Variants in MAN1A2 observed in about 807,000 individuals in gnomAD.
MAN1A2 encodes the protein mannosyl-oligosaccharide 1,2-alpha-mannosidase IB.
In MAN1A2, 26 loss-of-function variants were observed where a neutral mutation model predicts 75.7. The observed-to-expected ratio is 0.34, with a 90% CI of 0.25 to 0.48. The LOEUF (loss-of-function observed/expected upper bound fraction) is 0.48, where lower values mean the gene tolerates loss of function less well. Ranked by LOEUF, MAN1A2 falls within the 20% of genes least tolerant of loss-of-function variation. The probability of loss-of-function intolerance (pLI) is 0.99; values close to 1 mark genes in which losing one functional copy is unlikely to be tolerated. For missense variants in MAN1A2, 562 were observed against 775.5 expected (o/e 0.72, Z 3.27); for synonymous variants, 247 against 264.6 (o/e 0.93, Z 0.65).
intron 6 of MAN1A2, among the ~76,000 whole-genome samples, chr1:117,456,490 T>A (rs945464589): frequency 6.6e-6 from 1 of 152,056 alleles, no homozygotes; most frequent in Non-Finnish European, 1.5e-5. Flanking sequence ...AATTCTGCTA[T>A]AAACCTATTT....
intron 3 of MAN1A2, among the ~76,000 whole-genome samples, chr1:117,414,320 A>G (rs886201514): frequency 2.6e-5 from 4 of 151,278 alleles, no homozygotes; most frequent in Non-Finnish European, 5.9e-5. Context: ...TAGCTTTGTC[A>G]TTGTGAAGTA....
chr1:117,515,595 A>C (rs905422040), intron 12 of MAN1A2: 1 of 152,172 alleles, frequency 6.6e-6, no homozygotes, highest in Non-Finnish European at 1.5e-5. Flanking sequence ...AACACTAAAG[A>C]AACTAGACCG....
chr1:117,488,229 T>G (rs1412791142), intron 8 of MAN1A2, among the ~76,000 whole-genome samples: 3 of 151,920 alleles, frequency 2.0e-5, no homozygotes, highest in Non-Finnish European at 4.4e-5. Context: ...TTTTTTTTCT[T>G]GAGACAGAGT....
At chr1:117,429,986 AC>A (rs1210596225) in intron 5 of MAN1A2, among the ~76,000 whole-genome samples, 2 of 41,534 alleles carry the variant, frequency 4.8e-5, no homozygotes, top group Admixed American at 4.1e-4. Context: ...CGGAGGGCTG[AC>A]CCCCCCACCT....
intron 8 of MAN1A2, among the ~76,000 whole-genome samples, chr1:117,489,887 A>G (rs1650826881): frequency 6.6e-6 from 1 of 152,016 alleles, no homozygotes; most frequent in Non-Finnish European, 1.5e-5. Flanking sequence ...TCACCAATTT[A>G]AAAACCAGGG....
chr1:117,502,618 T>C (rs1570797094), intron 11 of MAN1A2, among the ~76,000 whole-genome samples: 1 of 151,822 alleles, frequency 6.6e-6, no homozygotes, highest in East Asian at 1.9e-4. Context: ...ATATAAGATG[T>C]CTTAAAAAGA....
chr1:117,489,165 G>A (rs1345368790), intron 8 of MAN1A2, among the ~76,000 whole-genome samples: 1 of 151,824 alleles, frequency 6.6e-6, no homozygotes, highest in Non-Finnish European at 1.5e-5. Context: ...AACATTTCAG[G>A]TTATCTTTAG....
At chr1:117,505,224 T>C (rs1651320871) in intron 12 of MAN1A2, among the ~76,000 whole-genome samples, 1 of 151,472 alleles carries the variant, frequency 6.6e-6, no homozygotes, top group African/African-American at 2.4e-5. Flanking sequence ...CTCTCATTTC[T>C]AATTTCAGTT....
intron 6 of MAN1A2, among the ~76,000 whole-genome samples, chr1:117,444,140 C>T (rs1388055337): frequency 2.0e-5 from 3 of 152,078 alleles, no homozygotes; most frequent in Admixed American, 6.6e-5. Flanking sequence ...CTCAATAATA[C>T]TCCATGGAAA....
chr1:117,398,671 T>G (rs1010535972), intron 1 of MAN1A2, among the ~76,000 whole-genome samples: 2 of 140,910 alleles, frequency 1.4e-5, no homozygotes, highest in African/African-American at 5.6e-5. Flanking sequence ...GAGACTCTAT[T>G]TCAAAAAAAA....
Position 117,375,314 on chromosome 1 carries a change from A to G in MAN1A2, c.302+6829A>G, listed in dbSNP as rs35992205. Among the ~76,000 whole-genome samples, 1,011 of 152,282 alleles carry G rather than the reference A, an allele frequency of 6.6e-3. 5 individuals carry two copies. The highest frequency in any genetic ancestry group is 0.011 in the Non-Finnish European group (751 of 68,036). ...AATTTTTTAACAAAACACACCTCTC[A>G]TGGGAAGGACTATAATTTCCTAACC... On this transcript the variant is annotated intron_variant, in intron 1 of 12. Transcript: ENST00000356554.
intron 5 of MAN1A2, among the ~76,000 whole-genome samples, chr1:117,422,096 T>C (rs149675020): frequency 6.6e-6 from 1 of 152,146 alleles, no homozygotes; most frequent in Non-Finnish European, 1.5e-5. Context: ...TAAAATTCAG[T>C]ATATAGTTTT....
At chr1:117,452,488 T>C (rs1649453815) in intron 6 of MAN1A2, among the ~76,000 whole-genome samples, 1 of 152,142 alleles carries the variant, frequency 6.6e-6, no homozygotes, top group African/African-American at 2.4e-5. Context: ...AACACATGAA[T>C]GATGAGAAAG....
chr1:117,482,570 G>T (rs936306727), intron 8 of MAN1A2, among the ~76,000 whole-genome samples: 7 of 151,898 alleles, frequency 4.6e-5, no homozygotes, highest in African/African-American at 1.7e-4. Flanking sequence ...CATATCCTTT[G>T]CCCACTTTTT....
rs1653197105 is a variant in MAN1A2, at chr1:117,377,654, A to G, written c.302+9169A>G. On this transcript the variant is annotated intron_variant, in intron 1 of 12. Transcript: ENST00000356554. ...ATTAGTTAAATAAATGATATATCCC[A>G]TCCCAATATATACAAAGGGTTTCTT... Among the ~76,000 whole-genome samples, 4 of 152,020 alleles carry G rather than the reference A, an allele frequency of 2.6e-5. No homozygotes were observed. In the Middle Eastern group the frequency reaches 0.01, roughly 388 times the overall value.
intron 9 of MAN1A2, chr1:117,494,252 A>T (rs987204292): frequency 2.6e-5 from 4 of 151,702 alleles, no homozygotes; most frequent in Non-Finnish European, 5.9e-5. Flanking sequence ...AACAAGATTC[A>T]TTCTAGGAAG....
intron 11 of MAN1A2, among the ~76,000 whole-genome samples, chr1:117,501,462 T>G (rs1223463820): frequency 6.6e-6 from 1 of 151,796 alleles, no homozygotes; most frequent in African/African-American, 2.4e-5. Context: ...ATAGCGTGTC[T>G]TCTGTAGCCT....
At chr1:117,388,717 A>G (rs1653621690) in intron 1 of MAN1A2, among the ~76,000 whole-genome samples, 1 of 152,132 alleles carries the variant, frequency 6.6e-6, no homozygotes, top group Non-Finnish European at 1.5e-5. Flanking sequence ...ACAATTCAAC[A>G]TGAGATTTAG....
Position 117,501,888 on chromosome 1 carries a change from G to T in MAN1A2, c.1678-967G>T, listed in dbSNP as rs139821341. 2.2e-4 allele frequency among the ~76,000 whole-genome samples: 33 copies of T among 151,838 alleles called. No individual in the cohort carries two copies. The East Asian group carries it at 4.5e-3, about 21-fold the overall frequency. On this transcript the variant is annotated intron_variant, in intron 11 of 12. Coordinates refer to ENST00000356554, the MANE Select transcript of MAN1A2 (RefSeq NM_006699.5). ...TGCCTTCATTGGATGACCTTGCAGG[G>T]TTAGGTAGAATAGAAAAACAAAACT... is the stretch of plus-strand genomic sequence containing the variant.
Sources: gnomAD v4.1 joint callset for allele counts (sites outside exome capture counted in the v4.1 genomes callset) on GRCh38, gnomAD v4.1.1 for gene constraint, MANE v1.5 for transcripts, NCBI Gene and HGNC (gene_info 2026-07-23, HGNC 2026-07-21) for gene names.